The following NRG3 variants were observed in gnomAD, a reference collection of about 807,000 sequenced individuals.
NRG3 encodes neuregulin 3, also known as pro-neuregulin-3, membrane-bound isoform.
Under a neutral mutation model 66.9 loss-of-function variants are expected in NRG3, and 31 were observed. That is an observed-to-expected ratio of 0.46 (90% CI 0.35 to 0.63). The LOEUF (loss-of-function observed/expected upper bound fraction) is 0.63, where lower values mean the gene tolerates loss of function less well. Among genes scored for constraint, NRG3 ranks in the 20% least tolerant of loss-of-function variants. The pLI, the probability that NRG3 is intolerant of heterozygous loss-of-function variation, is 0.00. For missense variants in NRG3, 910 were observed against 878.9 expected, an observed-to-expected ratio of 1.04 and a Z score of -0.45; for synonymous variants, 393 against 359.4, an observed-to-expected ratio of 1.09 and a Z score of -1.06.
chr10:82,713,751 A>G (rs1183399033), intron 2 of NRG3, among the ~76,000 whole-genome samples: 4 of 152,360 alleles, frequency 2.6e-5, no homozygotes, highest in East Asian at 1.9e-4. Context: ...GTATTTTGAT[A>G]TCGTCTAATG....
intron 1 of NRG3, among the ~76,000 whole-genome samples, chr10:82,165,863 TAGCTGAGTAA>T (rs1157024234): frequency 6.6e-6 from 1 of 151,972 alleles, no homozygotes; most frequent in Non-Finnish European, 1.5e-5. Context: ...CTCAAATAAA[TAGCTGAGTAA>T]AGCTAAGTAC....
chr10:82,838,718 T>C (rs1167047199), intron 3 of NRG3, among the ~76,000 whole-genome samples: 1 of 152,118 alleles, frequency 6.6e-6, no homozygotes, highest in Non-Finnish European at 1.5e-5. Flanking sequence ...TCTGTTTTAA[T>C]TATATACATA....
intron 3 of NRG3, among the ~76,000 whole-genome samples, chr10:82,777,611 A>G (rs2065538): frequency 0.34 from 52,187 of 151,914 alleles, 10,085 homozygotes; most frequent in African/African-American, 0.53. Context: ...GGTCCTGGGG[A>G]TCAAGGTGTA....
intron 4 of NRG3, among the ~76,000 whole-genome samples, chr10:82,877,024 G>GAAAAA (rs763600557): frequency 2.1e-5 from 2 of 94,528 alleles, no homozygotes; most frequent in Non-Finnish European, 2.3e-5. Flanking sequence ...ACTCTGCCAA[G>GAAAAA]AAAAAAAAAA....
intron 1 of NRG3, among the ~76,000 whole-genome samples, chr10:82,140,690 A>T (rs556766960): frequency 6.6e-6 from 1 of 152,184 alleles, no homozygotes; most frequent in East Asian, 1.9e-4. Flanking sequence ...TCTGATTACT[A>T]TTTCACTCCA....
intron 2 of NRG3, among the ~76,000 whole-genome samples, chr10:82,392,284 G>A (rs2086429531): frequency 6.6e-6 from 1 of 152,104 alleles, no homozygotes; most frequent in South Asian, 2.1e-4. Flanking sequence ...AATGCCACTA[G>A]CATTCAATAC....
intron 2 of NRG3, among the ~76,000 whole-genome samples, chr10:82,552,183 G>T (rs1195673568): frequency 6.6e-6 from 1 of 151,966 alleles, no homozygotes; most frequent in African/African-American, 2.4e-5. Context: ...TTACATATTA[G>T]TTGAAATAAT....
intron 3 of NRG3, among the ~76,000 whole-genome samples, chr10:82,759,797 A>C (rs998895145): frequency 1.3e-5 from 2 of 152,164 alleles, no homozygotes; most frequent in African/African-American, 4.8e-5. Flanking sequence ...CTCTCAATAC[A>C]TCCTTATCAC....
At chr10:82,558,662 A>G (rs1021015033) in intron 2 of NRG3, among the ~76,000 whole-genome samples, 2 of 152,222 alleles carry the variant, frequency 1.3e-5, no homozygotes, top group Admixed American at 1.3e-4. Flanking sequence ...GACAACTCAT[A>G]ATGCAAAGAC....
intron 1 of NRG3, among the ~76,000 whole-genome samples, chr10:82,016,930 A>T (rs2061810433): frequency 6.6e-6 from 1 of 152,114 alleles, no homozygotes; most frequent in African/African-American, 2.4e-5. Flanking sequence ...TCAATAATTT[A>T]TTGATTTATT....
At chr10:82,807,010 T>C (rs2061316439) in intron 3 of NRG3, among the ~76,000 whole-genome samples, 1 of 152,236 alleles carries the variant, frequency 6.6e-6, no homozygotes, top group South Asian at 2.1e-4. Context: ...GTGATGGAAT[T>C]ACAGCTTTCC....
intron 3 of NRG3, among the ~76,000 whole-genome samples, chr10:82,766,934 A>G (rs1338728458): frequency 6.6e-6 from 1 of 150,900 alleles, no homozygotes; most frequent in Non-Finnish European, 1.5e-5. Flanking sequence ...ACTCATAGGT[A>G]TATTTTGAAA....
At chr10:82,500,376 C>A (rs1034903697) in intron 2 of NRG3, among the ~76,000 whole-genome samples, 5 of 152,136 alleles carry the variant, frequency 3.3e-5, no homozygotes, top group Admixed American at 3.3e-4. Flanking sequence ...CCTCAGTGTC[C>A]CCATTGCATA....
At chr10:82,062,499 A>C (rs907818046) in intron 1 of NRG3, among the ~76,000 whole-genome samples, 5 of 151,930 alleles carry the variant, frequency 3.3e-5, no homozygotes, top group African/African-American at 4.8e-5. Context: ...CCAGCTACTC[A>C]GGAGGCTGAG....
chr10:82,650,745 A>G (rs1053884179), intron 2 of NRG3, among the ~76,000 whole-genome samples: 1 of 152,242 alleles, frequency 6.6e-6, no homozygotes, highest in African/African-American at 2.4e-5. Flanking sequence ...CTTCCACATC[A>G]TCACGTAATT....
At chr10:82,324,513 A>G (rs1019703474) in intron 1 of NRG3, among the ~76,000 whole-genome samples, 1 of 152,082 alleles carries the variant, frequency 6.6e-6, no homozygotes, top group Non-Finnish European at 1.5e-5. Context: ...AAATAAGATT[A>G]TTAACATGAG....
intron 3 of NRG3, among the ~76,000 whole-genome samples, chr10:82,743,381 A>G (rs1244862344): frequency 6.6e-6 from 1 of 152,066 alleles, no homozygotes; most frequent in Non-Finnish European, 1.5e-5. Flanking sequence ...TGTGATTCAG[A>G]GGAAGACTGG....
At chr10:82,955,404 C>T (rs1849945953) in intron 5 of NRG3, among the ~76,000 whole-genome samples, 2 of 151,926 alleles carry the variant, frequency 1.3e-5, no homozygotes, top group African/African-American at 2.4e-5. Context: ...TTGAGCCTGT[C>T]AAGTCTGGCC....
chr10:82,087,714 C>T (rs1033168243), intron 1 of NRG3, among the ~76,000 whole-genome samples: 2 of 152,106 alleles, frequency 1.3e-5, no homozygotes, highest in Non-Finnish European at 2.9e-5. Context: ...TTATGAAATA[C>T]AATCCATATG....
Sources: allele counts gnomAD v4.1 joint callset (sites outside exome capture counted in the v4.1 genomes callset), GRCh38; gene constraint gnomAD v4.1.1; transcripts MANE v1.5; gene names NCBI Gene and HGNC (gene_info 2026-07-23, HGNC 2026-07-21).